Variants in PFKFB3 observed in about 807,000 individuals in gnomAD.
The protein encoded by PFKFB3 is 6-phosphofructo-2-kinase/fructose-2,6-bisphosphatase 3.
In PFKFB3, 33 loss-of-function variants were observed where a neutral mutation model predicts 68.0. The observed-to-expected ratio is 0.49, with a 90% CI of 0.37 to 0.65. The LOEUF (loss-of-function observed/expected upper bound fraction) is 0.65, where lower values mean the gene tolerates loss of function less well. PFKFB3 is among the 30% of genes least tolerant of loss of function. The pLI is 0.00. For synonymous variants in PFKFB3, 315 were observed against 288.2 expected (o/e 1.09, Z -0.94); for missense variants, 586 against 712.2 (o/e 0.82, Z 2.02).
chr10:6,176,342 A>G (rs10159549), intron 1 of PFKFB3, among the ~76,000 whole-genome samples: 3,675 of 152,298 alleles, frequency 0.024, 138 homozygotes, highest in African/African-American at 0.081. Flanking sequence ...TGGGGGTTGC[A>G]TAGGCATGCT....
Position 6,146,012 on chromosome 10 carries a change from A to C in PFKFB3, c.16+999A>C, listed in dbSNP as rs1158692751. On this transcript the variant is annotated intron_variant, in intron 1 of 14. Coordinates refer to the PFKFB3 transcript ENST00000379789. ...GGCCTCGATTTGACTTTCAAATCAG[A>C]GTTGTGTGACTCCTGCGCCGTCTGT... Among the ~76,000 whole-genome samples, 6 of 152,126 alleles carry C rather than the reference A, an allele frequency of 3.9e-5. No homozygotes were observed. In the East Asian group the frequency reaches 5.8e-4, roughly 15 times the overall value.
chr10:6,248,842 GAC>G (rs1846316490), intron 14 of PFKFB3, among the ~76,000 whole-genome samples: 1 of 152,054 alleles, frequency 6.6e-6, no homozygotes, highest in Admixed American at 6.5e-5. Flanking sequence ...TTGTCAAAAA[GAC>G]AAATGATAAC....
At chr10:6,278,027 C>T in the PFKFB3 span, among the ~76,000 whole-genome samples, 1 of 151,898 alleles carries the variant, frequency 6.6e-6, no homozygotes, top group African/African-American at 2.4e-5. Context: ...ACACCATTCT[C>T]CTGCCTCAGC....
At chr10:6,247,030 A>C (rs1366068390) in intron 14 of PFKFB3, among the ~76,000 whole-genome samples, 1 of 152,232 alleles carries the variant, frequency 6.6e-6, no homozygotes, top group Non-Finnish European at 1.5e-5. Flanking sequence ...ACGAAGTCAG[A>C]TGAAGGGCCG....
chr10:6,219,479 C>T (rs755493408), intron 6 of PFKFB3, 90 bp from the exon 7 acceptor site: 35 of 1,396,042 alleles, frequency 2.5e-5, no homozygotes, highest in East Asian at 1.1e-4. Flanking sequence ...GCCTTCTGTG[C>T]GCTCCCCTTT....
At chr10:6,286,423 G>C in the PFKFB3 span, among the ~76,000 whole-genome samples, 3 of 151,908 alleles carry the variant, frequency 2.0e-5, no homozygotes, top group African/African-American at 7.3e-5. Context: ...CGTCACTCAG[G>C]CTGGAGTGGA....
At chr10:6,252,950 G>A (rs1370035071) in intron 14 of PFKFB3, among the ~76,000 whole-genome samples, 1 of 151,998 alleles carries the variant, frequency 6.6e-6, no homozygotes, top group Admixed American at 6.6e-5. Flanking sequence ...ACAGAGTCTC[G>A]TTCTGTCACC....
At chr10:6,249,504 A>G (rs958837822) in intron 14 of PFKFB3, among the ~76,000 whole-genome samples, 2 of 152,242 alleles carry the variant, frequency 1.3e-5, no homozygotes, top group African/African-American at 4.8e-5. Context: ...ATGGGGTACT[A>G]TTCAACCATA....
At chr10:6,214,352 C>G (rs898725508) in intron 2 of PFKFB3, among the ~76,000 whole-genome samples, 1 of 132,070 alleles carries the variant, frequency 7.6e-6, no homozygotes, top group Non-Finnish European at 1.5e-5. Flanking sequence ...CATCCCAAAG[C>G]CGTACACCCA....
intron 1 of PFKFB3, among the ~76,000 whole-genome samples, chr10:6,167,662 C>G (rs1348802188): frequency 6.6e-6 from 1 of 152,208 alleles, no homozygotes; most frequent in Non-Finnish European, 1.5e-5. Flanking sequence ...AACCCTCTTC[C>G]TCCATTGGAT....
chr10:6,180,620 A>G (rs1263913577), intron 1 of PFKFB3, among the ~76,000 whole-genome samples: 1 of 152,028 alleles, frequency 6.6e-6, no homozygotes, highest in Admixed American at 6.6e-5. Context: ...GTGCTTCACC[A>G]CACCTGGCTA....
the PFKFB3 span, among the ~76,000 whole-genome samples, chr10:6,307,355 A>G: frequency 1.4e-5 from 2 of 139,842 alleles, no homozygotes; most frequent in African/African-American, 5.3e-5. Context: ...ACACACACAC[A>G]CACACACACA....
chr10:6,295,674 C>A, the PFKFB3 span, among the ~76,000 whole-genome samples: 3 of 152,254 alleles, frequency 2.0e-5, no homozygotes, highest in South Asian at 6.2e-4. Flanking sequence ...TTCTCTTCCC[C>A]CAGGCCAGCT....
chr10:6,184,188 G>T (rs1842805095), intron 1 of PFKFB3, among the ~76,000 whole-genome samples: 1 of 151,830 alleles, frequency 6.6e-6, no homozygotes, highest in South Asian at 2.1e-4. Context: ...GAGTAGCTGG[G>T]GTTGTAGGTG....
chr10:6,145,731 C>G lies in PFKFB3; in HGVS notation c.16+718C>G, dbSNP rs548791756. ...ACGGCCGCGTGAGGATGGGAGCCGTCCCCAGAAAAGCAAACTCAGGCCCGC... is the reference window on the plus strand; with the variant it reads ...ACGGCCGCGTGAGGATGGGAGCCGTGCCCAGAAAAGCAAACTCAGGCCCGC... On this transcript the variant is annotated intron_variant, in intron 1 of 14. Transcript: ENST00000379789. Among the ~76,000 whole-genome samples, 96 of 152,314 alleles carry G rather than the reference C, an allele frequency of 6.3e-4. 1 individual carries two copies. The highest frequency in any genetic ancestry group is 3.4e-3 in the Middle Eastern group (1 of 294).
chr10:6,187,691 T>C (rs1229079844), intron 1 of PFKFB3, among the ~76,000 whole-genome samples: 2 of 152,246 alleles, frequency 1.3e-5, no homozygotes, highest in East Asian at 3.8e-4. Context: ...TTAGCTGCCA[T>C]GGGTTTAAAA....
intron 14 of PFKFB3, among the ~76,000 whole-genome samples, chr10:6,243,098 A>G (rs1421450610): frequency 1.3e-5 from 2 of 152,204 alleles, no homozygotes; most frequent in East Asian, 3.8e-4. Flanking sequence ...GCAACACCCT[A>G]CCAGAGCTAA....
intron 1 of PFKFB3, among the ~76,000 whole-genome samples, chr10:6,158,448 C>T (rs79933137): frequency 2.0e-5 from 3 of 152,144 alleles, no homozygotes; most frequent in East Asian, 3.8e-4. Flanking sequence ...AATGAGGAAG[C>T]CTGATGGCTT....
At chr10:6,177,468 C>CTTTCTTTCTT (rs777831874) in intron 1 of PFKFB3, among the ~76,000 whole-genome samples, 2 of 120,738 alleles carry the variant, frequency 1.7e-5, no homozygotes, top group South Asian at 2.6e-4. Context: ...TTCTTTCTTT[C>CTTTCTTTCTT]TTTCTTTCTT....
Sources: gnomAD v4.1 joint callset for allele counts (sites outside exome capture counted in the v4.1 genomes callset) on GRCh38, gnomAD v4.1.1 for gene constraint, MANE v1.5 for transcripts, NCBI Gene and HGNC (gene_info 2026-07-23, HGNC 2026-07-21) for gene names.